The following DEAF1 variants were observed in gnomAD, a reference collection of about 807,000 sequenced individuals.
DEAF1 encodes DEAF1 transcription factor, also known as deformed epidermal autoregulatory factor 1 homolog.
A neutral mutation model predicts 58.9 loss-of-function variants in DEAF1; 53 were observed. The observed-to-expected ratio is 0.90, with a 90% CI of 0.72 to 1.13. The LOEUF (loss-of-function observed/expected upper bound fraction) is 1.13. Among genes scored for constraint, DEAF1 ranks in the 50% most tolerant of loss-of-function variants. DEAF1 has a pLI of 0.00. For missense variants in DEAF1, 685 were observed against 791.4 expected (o/e 0.87, Z 1.61); for synonymous variants, 385 against 340.4 (o/e 1.13, Z -1.44).
intron 10 of DEAF1, among the ~76,000 whole-genome samples, chr11:672,924 A>G (rs1859894114): frequency 6.6e-6 from 1 of 152,052 alleles, no homozygotes; most frequent in Non-Finnish European, 1.5e-5. Context: ...TCAGGCGGGT[A>G]GATCACTTGA....
intron 10 of DEAF1, among the ~76,000 whole-genome samples, chr11:661,672 T>TG (rs1318359493): frequency 2.0e-5 from 3 of 152,108 alleles, no homozygotes; most frequent in African/African-American, 7.2e-5. Flanking sequence ...ATCGCACCAC[T>TG]GCACTCCAGC....
chr11:650,357 G>C (rs1351686414), intron 11 of DEAF1, among the ~76,000 whole-genome samples: 1 of 110,368 alleles, frequency 9.1e-6, no homozygotes, highest in Non-Finnish European at 1.7e-5. Flanking sequence ...CTGGGGGACA[G>C]AGTGACAGTC....
upstream of DEAF1, chr11:698,900 C>T (rs377758388): frequency 2.0e-5 from 33 of 1,613,916 alleles, no homozygotes; most frequent in East Asian, 2.5e-4. Flanking sequence ...TATCCTGCTG[C>T]GTGCCCCTCC....
rs774798427 is a variant in DEAF1, at chr11:644,556, G to A, written c.1692C>T (p.Thr564=). 3.2e-5 allele frequency: 51 copies of A among 1,612,228 alleles called. No homozygotes were observed. Among genetic ancestry groups the A allele is most frequent in the East Asian group, 6.7e-5 (3 of 44,860 alleles). ...HVAESVMEKV[T]V is the part of the protein sequence containing the mutation. ...CAGGGCGGCCGATGGAGCCTCACAC[G>A]GTCACCTTCTCCATCACGCTTTCAG... Residue 564 remains threonine (T), a synonymous_variant, in exon 12 of 12, where the codon ACC becomes ACT. Transcript: ENST00000382409. This position sits in a 1 kb window ranked among gnomAD's most constrained non-coding sequence, Gnocchi z 4.3.
At chr11:678,201 T>A (rs1039548475) in intron 9 of DEAF1, 2 of 196,598 alleles carry the variant, frequency 1.0e-5, no homozygotes, top group Non-Finnish European at 2.1e-5. Context: ...AGAGCGAGAC[T>A]CAGTCTCAAA....
At chr11:699,953 T>C, upstream of DEAF1, 1 of 569,592 alleles carries the variant, frequency 1.8e-6, no homozygotes. Flanking sequence ...CCTTGTCAGC[T>C]CATGGGACCA....
chr11:694,651 T>C, intron 1 of DEAF1, 108 bp downstream of exon 1: 1 of 1,067,218 alleles, frequency 9.4e-7, no homozygotes, highest in Non-Finnish European at 1.2e-6. Context: ...GGAGCAGGTG[T>C]GAGGGACAGG....
Position 674,615 on chromosome 11 carries a change from T to G in DEAF1, c.1424A>C (p.Glu475Ala), listed in dbSNP as rs1485904180. ...NTAQQLKTLF[E>A]QAKHASTYRE... The stretch of plus-strand genomic sequence containing the variant: ...GTAGGTGCTGGCATGCTTGGCTTGC[T>G]CAAACAGCGTCTTCAGCTGCTGCGC... Residue 475 changes from glutamate (E) to alanine (A), a missense_variant, in exon 10 of 12, where the codon GAG becomes GCG. Physicochemically the swap from Glu to Ala is moderately radical, Grantham distance 107 (BLOSUM62 -1). Transcript: ENST00000382409. 1.2e-6 allele frequency: 2 copies of G among 1,614,198 alleles called. No homozygotes were observed. The highest frequency in any genetic ancestry group is 4.5e-5 in the East Asian group (2 of 44,890).
chr11:679,663 TC>T (rs1183149343), intron 8 of DEAF1, 24 bp downstream of exon 8: 9 of 1,608,872 alleles, frequency 5.6e-6, no homozygotes, highest in Non-Finnish European at 6.8e-6. Flanking sequence ...TGAGGACGCG[TC>T]AGGCAGGCAC....
chr11:696,610 C>A (rs577828968), upstream of DEAF1, among the ~76,000 whole-genome samples: 23 of 145,530 alleles, frequency 1.6e-4, no homozygotes, highest in South Asian at 5.1e-3. Flanking sequence ...AAAAAAAAAA[C>A]TGTAAACATC....
rs370247985 is a variant in DEAF1 at position 687,860 on chromosome 11, G to A, written c.664+51C>T. The A allele has an allele frequency of 1.9e-3, 3,063 of 1,610,970 alleles. 6 individuals are homozygous for A. Among genetic ancestry groups the A allele is most frequent in the Non-Finnish European group, 2.2e-3 (2,641 of 1,177,552 alleles). On this transcript the variant is annotated intron_variant, in intron 4 of 11. Coordinates refer to ENST00000382409, the MANE Select transcript of DEAF1 (RefSeq NM_021008.4). ...TTTCTCAGCCCCCAATTTATGCTAG[G>A]GGGGTTACAAAGGGGAATACAACTT...
At chr11:657,320 G>A (rs1437574582) in intron 10 of DEAF1, among the ~76,000 whole-genome samples, 2 of 152,160 alleles carry the variant, frequency 1.3e-5, no homozygotes, top group Admixed American at 6.5e-5. Context: ...AAGTCAGGAC[G>A]TACCCCAAAA....
intron 11 of DEAF1, among the ~76,000 whole-genome samples, chr11:645,553 G>A (rs572352283): frequency 2.0e-5 from 3 of 152,278 alleles, no homozygotes; most frequent in South Asian, 4.1e-4. Flanking sequence ...CCTGACCTCA[G>A]GGGATCTGCC....
chr11:644,644 T>G lies in DEAF1; in HGVS notation c.1604A>C (p.Asp535Ala). 6.2e-7 allele frequency: 1 copy of G among 1,610,076 alleles called. No individual in the cohort carries two copies. The highest frequency in any genetic ancestry group is 2.2e-5 in the East Asian group (1 of 44,814). ...TGACTGGCCGCATATGTGCTGGTGATCCTTCCAGTCCTGGAAGGGAGGACA... is the reference window on the plus strand; with the variant it reads ...TGACTGGCCGCATATGTGCTGGTGAGCCTTCCAGTCCTGGAAGGGAGGACA... Reference protein sequence around the residue: ...STFCQRKDWKDHQHICGQSAA... With the variant: ...STFCQRKDWKAHQHICGQSAA... The change falls in exon 12 of 12, where the codon GAT becomes GCT. Residue 535 changes from aspartate (D) to alanine (A), a missense_variant. Physicochemically the swap from Asp to Ala is moderately radical, Grantham distance 126 (BLOSUM62 -2). Coordinates refer to ENST00000382409, the MANE Select transcript of DEAF1 (RefSeq NM_021008.4). This position sits in a 1 kb window ranked among gnomAD's most constrained non-coding sequence, Gnocchi z 4.3.
chr11:701,044 C>T, intron 1 of DEAF1: 1 of 377,374 alleles, frequency 2.6e-6, no homozygotes, highest in Non-Finnish European at 5.0e-6. Flanking sequence ...CCCTTTCCTT[C>T]CCCTTGCCCT....
rs1481643590 is a variant in DEAF1, at chr11:679,973, C to A, written c.998-157G>T. On this transcript the variant is annotated intron_variant, in intron 7 of 11. Coordinates refer to ENST00000382409, the MANE Select transcript of DEAF1 (RefSeq NM_021008.4). ...CATGTGAAGGACACGGGGGAAATCC[C>A]AGACCTTGGAGAAGACCTCACAGGA... 5 of 1,062,114 alleles carry A rather than the reference C, an allele frequency of 4.7e-6. No homozygotes were observed. In the Admixed American group the frequency reaches 6.4e-5, roughly 14 times the overall value. The allele number at this position is 1,062,114 out of a possible 1,614,324, so 65.8% of individuals were successfully genotyped here.
chr11:663,373 G>A (rs574738028), intron 10 of DEAF1, among the ~76,000 whole-genome samples: 45 of 152,296 alleles, frequency 3.0e-4, no homozygotes, highest in African/African-American at 5.1e-4. Flanking sequence ...GCTTGCACCC[G>A]GGAGGCGGAG....
chr11:678,602 C>T, intron 9 of DEAF1, 92 bp downstream of exon 9: 11 of 1,594,070 alleles, frequency 6.9e-6, no homozygotes, highest in Non-Finnish European at 8.6e-6. Flanking sequence ...ACAAACCAAA[C>T]CAAAATGAAT....
chr11:649,420 TAAAA>T (rs1165672375), intron 11 of DEAF1, among the ~76,000 whole-genome samples: 2 of 117,648 alleles, frequency 1.7e-5, no homozygotes, highest in East Asian at 3.2e-4. Flanking sequence ...AGACCCCACT[TAAAA>T]AAAAAAACAA....
Sources: allele counts gnomAD v4.1 joint callset (sites outside exome capture counted in the v4.1 genomes callset), GRCh38; gene constraint gnomAD v4.1.1; non-coding constraint Gnocchi (gnomAD v3.1); transcripts MANE v1.5; gene names NCBI Gene and HGNC (gene_info 2026-07-23, HGNC 2026-07-21).